GALNT15: variants seen among roughly 807,000 people sequenced by gnomAD.
GALNT15 encodes polypeptide N-acetylgalactosaminyltransferase 15.
A neutral mutation model predicts 66.8 loss-of-function variants in GALNT15; 67 were observed. The observed-to-expected ratio is 1.00, with a 90% CI of 0.82 to 1.23. GALNT15 has a LOEUF of 1.23. GALNT15 is among the 50% of genes most tolerant of loss of function. The pLI, the probability that GALNT15 is intolerant of heterozygous loss-of-function variation, is 0.00. For missense variants in GALNT15, 827 were observed against 804.3 expected (o/e 1.03, Z -0.34); for synonymous variants, 313 against 311.5 (o/e 1.00, Z -0.05).
At chr3:16,207,501 T>TAAAAAAAAAA (rs36127239) in intron 3 of GALNT15, among the ~76,000 whole-genome samples, 1 of 39,846 alleles carries the variant, frequency 2.5e-5, no homozygotes. Context: ...CTCCAGGCTG[T>TAAAAAAAAAA]AAAAAAAAAA....
chr3:16,221,577 C>T (rs926173183), intron 8 of GALNT15, among the ~76,000 whole-genome samples: 3 of 152,166 alleles, frequency 2.0e-5, no homozygotes, highest in African/African-American at 4.8e-5. Flanking sequence ...CCACCTTCAG[C>T]CCATGAGAGA....
Position 16,175,824 on chromosome 3 carries a change from C to T in GALNT15, c.539+134C>T. 1.3e-6 allele frequency: 1 copy of T among 775,200 alleles called. No individual in the cohort carries two copies. The highest frequency in any genetic ancestry group is 3.0e-5 in the Admixed American group (1 of 33,796). The allele number at this position is 775,200 out of a possible 1,614,324, so 48.0% of individuals were successfully genotyped here. The stretch of plus-strand genomic sequence containing the variant: ...TGCTTTTCAAGATGCAGTACCTGGG[C>T]CAGCAGCGTCAGCAGCCCCTGGGCA... On this transcript the variant is annotated intron_variant, in intron 1 of 9. Transcript: ENST00000339732. The surrounding 1 kb of genome is among the most constrained non-coding windows in gnomAD (Gnocchi z 5.6).
chr3:16,243,140 G>A, the GALNT15 span, among the ~76,000 whole-genome samples: 23 of 152,298 alleles, frequency 1.5e-4, no homozygotes, highest in East Asian at 4.2e-3. Flanking sequence ...TTCACTCCCT[G>A]GGATACACTT....
chr3:16,229,296 CA>C lies in GALNT15; in HGVS notation c.*1800del. 2.1e-6 allele frequency: 2 copies of C among 958,590 alleles called. No individual in the cohort carries two copies. Among genetic ancestry groups the C allele is most frequent in the Non-Finnish European group, 2.5e-6 (2 of 805,426 alleles). The allele number at this position is 958,590 out of a possible 1,614,324, so 59.4% of individuals were successfully genotyped here. A position where few individuals can be genotyped will look rare whatever the true frequency, so the allele number is the denominator to read the frequency against. On this transcript the variant is annotated 3_prime_UTR_variant, in exon 10 of 10. Transcript: ENST00000339732. ...TGCTGTCTAATATGGTAGCCACTAA[CA>C]AAATGTGGCCATTTTGATGGAAATC...
At position 16,203,652 on chromosome 3, in the gene GALNT15, G is replaced by A. The variant is rs984728090; in HGVS notation, c.911+2829G>A. Among the ~76,000 whole-genome samples the A allele has an allele frequency of 4.6e-5, 7 of 151,284 alleles. No individual in the cohort carries two copies. The highest frequency in any genetic ancestry group is 1.2e-4 in the African/African-American group (5 of 41,060). On this transcript the variant is annotated intron_variant, in intron 3 of 9. Transcript: ENST00000339732. This position sits in a 1 kb window ranked among gnomAD's most constrained non-coding sequence, Gnocchi z 6.2. ...CCTCTTTGGGTTCCATCTCTTCTGCGTGATGTGACCACATTTTCATCATCT... is the reference window on the plus strand; with the variant it reads ...CCTCTTTGGGTTCCATCTCTTCTGCATGATGTGACCACATTTTCATCATCT...
rs913041620 is a variant in GALNT15 at position 16,176,505 on chromosome 3, C to T, written c.539+815C>T. ...AGAATACTGTGCTGACTGCAATTTA[C>T]CCTGCCAGGGCAGCCCCAGCCCCAG... On this transcript the variant is annotated intron_variant, in intron 1 of 9. Coordinates refer to ENST00000339732, the MANE Select transcript of GALNT15 (RefSeq NM_054110.5). The surrounding 1 kb of genome is among the most constrained non-coding windows in gnomAD (Gnocchi z 5.6). Among the ~76,000 whole-genome samples, 14 of 152,208 alleles carry T rather than the reference C, an allele frequency of 9.2e-5. No homozygotes were observed. The highest frequency in any genetic ancestry group is 3.4e-4 in the African/African-American group (14 of 41,442).
rs561019752 is a variant in GALNT15, at chr3:16,195,603, G to C, written c.540-157G>C. ...ATAGTAGACAGCACCACTATGAGGC[G>C]TAACAGGTTCTTTTTATATGGGAAT... On this transcript the variant is annotated intron_variant, in intron 1 of 9. Coordinates refer to ENST00000339732, the MANE Select transcript of GALNT15 (RefSeq NM_054110.5). This position sits in a 1 kb window ranked among gnomAD's most constrained non-coding sequence, Gnocchi z 4.6. Among the ~76,000 whole-genome samples, 1 of 152,184 alleles carries C rather than the reference G, an allele frequency of 6.6e-6. No individual in the cohort carries two copies. Among genetic ancestry groups the C allele is most frequent in the African/African-American group, 2.4e-5 (1 of 41,432 alleles).
chr3:16,202,126 A>G (rs1448074898), intron 3 of GALNT15, among the ~76,000 whole-genome samples: 1 of 152,264 alleles, frequency 6.6e-6, no homozygotes, highest in Non-Finnish European at 1.5e-5. Context: ...ACCATCAGCC[A>G]AATGGAGATG....
chr3:16,234,940 T>G (rs1165707909), downstream of GALNT15, among the ~76,000 whole-genome samples: 5 of 151,362 alleles, frequency 3.3e-5, no homozygotes, highest in African/African-American at 7.3e-5. Context: ...TTTTTTTTTT[T>G]TTGTTGGAGT....
intron 8 of GALNT15, 52 bp from the exon 9 acceptor site, chr3:16,222,562 CT>C (rs1373125653): frequency 6.2e-7 from 1 of 1,607,696 alleles, no homozygotes; most frequent in Non-Finnish European, 8.5e-7. Flanking sequence ...TCCTCTACAG[CT>C]TTGAAGAGGA....
intron 8 of GALNT15, among the ~76,000 whole-genome samples, chr3:16,221,936 C>A (rs1048194452): frequency 4.6e-5 from 7 of 152,172 alleles, no homozygotes; most frequent in Non-Finnish European, 8.8e-5. Flanking sequence ...AGCATTAAAT[C>A]AAGTTTATTA....
chr3:16,207,501 TAAAAAAAAAAAAAAAAA>T lies in GALNT15; in HGVS notation c.912-976_912-960del, dbSNP rs36127239. On this transcript the variant is annotated intron_variant, in intron 3 of 9. Coordinates refer to ENST00000339732, the MANE Select transcript of GALNT15 (RefSeq NM_054110.5). ...ACTCTGCAGTCATATCTCCAGGCTG[TAAAAAAAAAAAAAAAAA>T]AAAAAAAAAAAAAAAAAAAAAAAAA... is the stretch of plus-strand genomic sequence containing the variant. 1.5e-4 allele frequency among the ~76,000 whole-genome samples: 6 copies of T among 39,802 alleles called. 1 individual carries two copies. Among genetic ancestry groups the T allele is most frequent in the African/African-American group, 2.1e-4 (2 of 9,370 alleles). 26.1% of individuals were successfully genotyped at this position (39,802 alleles called of 152,430 possible). A position where few individuals can be genotyped will look rare whatever the true frequency, so the allele number is the denominator to read the frequency against.
rs1491187404 is a variant in GALNT15, at chr3:16,203,543, T to TCTCTCACACACA, written c.911+2721_911+2722insTCTCACACACAC. Among the ~76,000 whole-genome samples, 11 of 61,162 alleles carry TCTCTCACACACA rather than the reference T, an allele frequency of 1.8e-4. No individual in the cohort carries two copies. The highest frequency in any genetic ancestry group is 5.5e-4 in the African/African-American group (10 of 18,314). 40.1% of individuals were successfully genotyped at this position (61,162 alleles called of 152,430 possible). A position where few individuals can be genotyped will look rare whatever the true frequency, so the allele number is the denominator to read the frequency against. ...CATTCTCTCTCTCTCTCTCTCTCTC[T>TCTCTCACACACA]CACACACACACACACACACACACAC... On this transcript the variant is annotated intron_variant, in intron 3 of 9. Transcript: ENST00000339732. The surrounding 1 kb of genome is among the most constrained non-coding windows in gnomAD (Gnocchi z 6.2).
rs993529463 is a variant in GALNT15, at chr3:16,182,278, T to A, written c.539+6588T>A. ...TCATGTTAAAGTTTGAGAGCCATTATGAGGCCAGTGGTTCACAGCCCCCAC... is the reference window on the plus strand; with the variant it reads ...TCATGTTAAAGTTTGAGAGCCATTAAGAGGCCAGTGGTTCACAGCCCCCAC... On this transcript the variant is annotated intron_variant, in intron 1 of 9. Transcript: ENST00000339732. The surrounding 1 kb of genome is among the most constrained non-coding windows in gnomAD (Gnocchi z 6.1). Among the ~76,000 whole-genome samples, 1 of 152,158 alleles carries A rather than the reference T, an allele frequency of 6.6e-6. No individual in the cohort carries two copies. The highest frequency in any genetic ancestry group is 2.4e-5 in the African/African-American group (1 of 41,430).
At position 16,208,468 on chromosome 3, in the gene GALNT15, T is replaced by A. The variant is rs191212291; in HGVS notation, c.912-35T>A. ...TTTCCAGCCCCAGCAAGTAAATGCT[T>A]TACGTCCCTTGTTTAATTCCACAAT... is the stretch of plus-strand genomic sequence containing the variant. On this transcript the variant is annotated intron_variant, in intron 3 of 9. Transcript: ENST00000339732. The A allele has an allele frequency of 6.8e-6, 11 of 1,608,516 alleles. No individual in the cohort carries two copies. In the Admixed American group the frequency reaches 1.8e-4, roughly 27 times the overall value.
chr3:16,189,772 A>G lies in GALNT15; in HGVS notation c.540-5988A>G, dbSNP rs1031852763. On this transcript the variant is annotated intron_variant, in intron 1 of 9. Coordinates refer to ENST00000339732, the MANE Select transcript of GALNT15 (RefSeq NM_054110.5). The surrounding 1 kb of genome is among the most constrained non-coding windows in gnomAD (Gnocchi z 5.1). ...TGTATTAGCTCATTTGGTCCTTCCA[A>G]CAACCTCATTTTACTGATGAGCAAC... Among the ~76,000 whole-genome samples the G allele has an allele frequency of 6.6e-6, 1 of 152,240 alleles. No individual in the cohort carries two copies. The highest frequency in any genetic ancestry group is 1.5e-5 in the Non-Finnish European group (1 of 68,038).
chr3:16,246,330 T>G, the GALNT15 span, among the ~76,000 whole-genome samples: 1 of 144,658 alleles, frequency 6.9e-6, no homozygotes, highest in Non-Finnish European at 1.5e-5. Context: ...GGTTTTTTTT[T>G]TTTTTTTTTT....
chr3:16,202,414 C>T (rs2063713291), intron 3 of GALNT15, among the ~76,000 whole-genome samples: 1 of 152,200 alleles, frequency 6.6e-6, no homozygotes, highest in Non-Finnish European at 1.5e-5. Context: ...AGACGGATCA[C>T]CTGAGGTCAG....
At chr3:16,231,116 G>A (rs1034367924), downstream of GALNT15, among the ~76,000 whole-genome samples, 1 of 136,162 alleles carries the variant, frequency 7.3e-6, no homozygotes, top group African/African-American at 2.7e-5. This position sits in a 1 kb window ranked among gnomAD's most constrained non-coding sequence, Gnocchi z 4.1. Flanking sequence ...ACATAGGGAG[G>A]GGAACATCAC....
Sources: gnomAD v4.1 joint callset for allele counts (sites outside exome capture counted in the v4.1 genomes callset) on GRCh38, gnomAD v4.1.1 for gene constraint, Gnocchi (gnomAD v3.1) non-coding constraint, MANE v1.5 for transcripts, NCBI Gene and HGNC (gene_info 2026-07-23, HGNC 2026-07-21) for gene names.